Variants in HLCS observed in about 807,000 individuals in gnomAD.
The protein encoded by HLCS is biotin--protein ligase.
In HLCS, 53 loss-of-function variants were observed where a neutral mutation model predicts 75.0. The ratio of observed to expected loss-of-function variants is 0.71; its 90% confidence interval spans 0.57 to 0.89. HLCS has a LOEUF of 0.89. Ranked by LOEUF, HLCS falls within the 40% of genes least tolerant of loss-of-function variation. The pLI is 0.00. For missense variants in HLCS, 966 were observed against 1,074.0 expected (o/e 0.90, Z 1.41); for synonymous variants, 431 against 428.6 (o/e 1.01, Z -0.07).
At chr21:36,953,768 T>C (rs2067782507) in intron 2 of HLCS, among the ~76,000 whole-genome samples, 2 of 152,112 alleles carry the variant, frequency 1.3e-5, no homozygotes, top group South Asian at 4.1e-4. Context: ...ACTAAATTTA[T>C]ATATAATATT....
Position 36,931,844 on chromosome 21 carries a change from A to C in HLCS, c.1438-1411T>G, listed in dbSNP as rs2066658306. 2.0e-5 allele frequency among the ~76,000 whole-genome samples: 3 copies of C among 152,098 alleles called. No homozygotes were observed. In the South Asian group the frequency reaches 6.2e-4, roughly 32 times the overall value. ...TCAAAGTCATTTTGTTATGATGTTG[A>C]TGAGGGGAAAAAGAAATCACTTCCC... On this transcript the variant is annotated intron_variant, in intron 4 of 10. Transcript: ENST00000674895.
upstream of HLCS, among the ~76,000 whole-genome samples, chr21:36,967,786 C>T (rs1338729232): frequency 2.0e-5 from 3 of 152,052 alleles, no homozygotes; most frequent in Non-Finnish European, 4.4e-5. Flanking sequence ...GTGGTGCAAT[C>T]TCGGCTCACT....
At chr21:36,839,735 A>T (rs577418854) in intron 6 of HLCS, among the ~76,000 whole-genome samples, 1 of 152,332 alleles carries the variant, frequency 6.6e-6, no homozygotes, top group Non-Finnish European at 1.5e-5. Flanking sequence ...GTTTCTGAAA[A>T]TTCCAAAATG....
intron 6 of HLCS, among the ~76,000 whole-genome samples, chr21:36,805,219 C>T (rs1601327786): frequency 6.6e-6 from 1 of 152,202 alleles, no homozygotes; most frequent in Non-Finnish European, 1.5e-5. Flanking sequence ...TTGGCAAGGA[C>T]AAAAGATGCC....
In HLCS at chr21:36,750,663, A is replaced by G. The variant is rs2089338464; in HGVS notation, c.*3583T>C. 6.6e-6 allele frequency among the ~76,000 whole-genome samples: 1 copy of G among 151,988 alleles called. No homozygotes were observed. Among genetic ancestry groups the G allele is most frequent in the African/African-American group, 2.4e-5 (1 of 41,338 alleles). ...ACTAGTGGGGACTGCTACAGATAAA[A>G]TGAGATACAAAGAACATTTGCAAAT... is the stretch of plus-strand genomic sequence containing the variant. On this transcript the variant is annotated 3_prime_UTR_variant, in exon 11 of 11. Transcript: ENST00000674895.
rs540519945 is a variant in HLCS, at chr21:36,899,930, T to C, written c.1621-2799A>G. On this transcript the variant is annotated intron_variant, in intron 5 of 10. Transcript: ENST00000674895. ...ACCAGCCTGGCCAACATGACAAAACTCCATCTCTACTAAAAATACAAAAAA... is the reference window on the plus strand; with the variant it reads ...ACCAGCCTGGCCAACATGACAAAACCCCATCTCTACTAAAAATACAAAAAA... 7.2e-5 allele frequency among the ~76,000 whole-genome samples: 11 copies of C among 151,834 alleles called. No homozygotes were observed. In the East Asian group the frequency reaches 1.9e-3, roughly 27 times the overall value.
intron 6 of HLCS, among the ~76,000 whole-genome samples, chr21:36,892,480 A>G (rs2064830645): frequency 6.6e-6 from 1 of 152,210 alleles, no homozygotes; most frequent in African/African-American, 2.4e-5. Context: ...CAGCTAACAG[A>G]TTGCAAGACC....
intron 6 of HLCS, among the ~76,000 whole-genome samples, chr21:36,822,468 G>A (rs2061875903): frequency 6.6e-6 from 1 of 152,140 alleles, no homozygotes; most frequent in African/African-American, 2.4e-5. Flanking sequence ...TAATCTAATG[G>A]ATGACACACA....
At chr21:36,868,458 A>G (rs1306551301) in intron 6 of HLCS, among the ~76,000 whole-genome samples, 1 of 152,148 alleles carries the variant, frequency 6.6e-6, no homozygotes, top group Non-Finnish European at 1.5e-5. Context: ...TTCACTTTTA[A>G]ATATATGAAC....
At chr21:36,866,224 G>GT (rs1302519466) in intron 6 of HLCS, among the ~76,000 whole-genome samples, 2 of 151,572 alleles carry the variant, frequency 1.3e-5, no homozygotes, top group African/African-American at 4.9e-5. Flanking sequence ...GAATGGTAAG[G>GT]GAAGGGCAGA....
intron 5 of HLCS, among the ~76,000 whole-genome samples, chr21:36,923,415 G>A (rs145606299): frequency 8.5e-5 from 13 of 152,282 alleles, no homozygotes; most frequent in Admixed American, 5.9e-4. Context: ...AGAAAACCAC[G>A]CTTCTTAGAC....
intron 5 of HLCS, among the ~76,000 whole-genome samples, chr21:36,903,878 A>G (rs1050428809): frequency 4.6e-5 from 7 of 152,118 alleles, no homozygotes; most frequent in Non-Finnish European, 7.3e-5. Context: ...TTGGGAAGAA[A>G]TTGAGATTGA....
intron 8 of HLCS, among the ~76,000 whole-genome samples, chr21:36,761,315 T>C (rs1362867836): frequency 6.6e-6 from 1 of 152,258 alleles, no homozygotes; most frequent in Admixed American, 6.5e-5. Flanking sequence ...ATGAAATCCC[T>C]TCCTCCTTCC....
chr21:36,896,490 T>C (rs371299778), intron 6 of HLCS: 1 of 288,038 alleles, frequency 3.5e-6, no homozygotes, highest in Non-Finnish European at 6.6e-6. Context: ...AAAAACATCC[T>C]GTATTAAATG....
chr21:36,816,323 G>C (rs111302162), intron 6 of HLCS, among the ~76,000 whole-genome samples: 1,686 of 151,922 alleles, frequency 0.011, 43 homozygotes, highest in African/African-American at 0.039. Flanking sequence ...TTGAGCCTGG[G>C]AGGTCAAGGC....
chr21:36,777,539 G>A (rs2060397131), intron 6 of HLCS, among the ~76,000 whole-genome samples: 1 of 152,220 alleles, frequency 6.6e-6, no homozygotes, highest in Non-Finnish European at 1.5e-5. Context: ...TCAAATCCAG[G>A]ATCATCTGAT....
At chr21:36,976,138 G>A (rs906448268) in intron 1 of HLCS, among the ~76,000 whole-genome samples, 4 of 152,118 alleles carry the variant, frequency 2.6e-5, no homozygotes, top group Non-Finnish European at 4.4e-5. Context: ...GATCCAAGAC[G>A]CAAGAGTGGC....
chr21:36,761,283 T>C (rs1164318541), intron 8 of HLCS, among the ~76,000 whole-genome samples: 2 of 152,238 alleles, frequency 1.3e-5, no homozygotes, highest in Non-Finnish European at 2.9e-5. Context: ...AGGAATCCTA[T>C]GCTACGCGGC....
upstream of HLCS, among the ~76,000 whole-genome samples, chr21:36,971,593 C>T (rs1332468760): frequency 6.6e-6 from 1 of 152,052 alleles, no homozygotes; most frequent in South Asian, 2.1e-4. Context: ...CTCTGGGAGA[C>T]TGAGGCGGGC....
Sources: allele counts gnomAD v4.1 joint callset (sites outside exome capture counted in the v4.1 genomes callset), GRCh38; gene constraint gnomAD v4.1.1; transcripts MANE v1.5; gene names NCBI Gene and HGNC (gene_info 2026-07-23, HGNC 2026-07-21).